PKD1: variants seen among roughly 807,000 people sequenced by gnomAD.
PKD1 encodes polycystin-1.
PKD1 carries 81 observed loss-of-function variants against 361.7 expected under a neutral mutation model. That is an observed-to-expected ratio of 0.22 (90% CI 0.19 to 0.27). The LOEUF is 0.27. Among genes scored for constraint, PKD1 ranks in the 10% least tolerant of loss-of-function variants. PKD1 has a pLI of 1.00. For synonymous variants in PKD1, 3,615 were observed against 2,818.3 expected, an observed-to-expected ratio of 1.28 and a Z score of -8.95; for missense variants, 6,399 against 6,118.3, an observed-to-expected ratio of 1.05 and a Z score of -1.53.
At position 2,088,865 on chromosome 16, in the gene PKD1, T is replaced by C; in HGVS notation, c.*862A>G. On this transcript the variant is annotated 3_prime_UTR_variant, in exon 46 of 46. Coordinates refer to ENST00000262304, the MANE Select transcript of PKD1 (RefSeq NM_001009944.3). Reference sequence around the variant, plus strand: ...AGGCTGCCTGGGCCATACAGCACACTCGCGCGTGCGCGCGCGCACACACAC... The same window carrying C: ...AGGCTGCCTGGGCCATACAGCACACCCGCGCGTGCGCGCGCGCACACACAC... 1.9e-6 allele frequency: 1 copy of C among 526,582 alleles called. No homozygotes were observed. Among genetic ancestry groups the C allele is most frequent in the Non-Finnish European group, 3.3e-6 (1 of 300,666 alleles). 32.6% of individuals were successfully genotyped at this position (526,582 alleles called of 1,614,324 possible). A position where few individuals can be genotyped will look rare whatever the true frequency, so the allele number is the denominator to read the frequency against.
intron 32 of PKD1, 85 bp downstream of exon 32, chr16:2,097,643 C>T (rs1200131878): frequency 6.2e-7 from 1 of 1,610,514 alleles, no homozygotes; most frequent in African/African-American, 1.3e-5. Flanking sequence ...CACAGACACC[C>T]AGCAAGGACA....
In PKD1 at chr16:2,111,315, G is replaced by A. The variant is rs2092498200; in HGVS notation, c.3852C>T (p.Ala1284=). The A allele has an allele frequency of 1.2e-6, 2 of 1,608,802 alleles. No homozygotes were observed. ...CGAAGACCAGCACGTGCAGGCTCCG[G>A]GCCAGGTGGCCGGCGGGGCTGGCCG... ...VGAASPAGHL[A]RSLHVLVFVL... Residue 1284 remains alanine, a synonymous_variant, in exon 15 of 46, where the codon GCC becomes GCT. Transcript: ENST00000262304.
chr16:2,093,979 C>G lies in PKD1; in HGVS notation c.10653G>C (p.Pro3551=). The G allele has an allele frequency of 1.3e-6, 2 of 1,586,686 alleles. No homozygotes were observed. The highest frequency in any genetic ancestry group is 1.7e-6 in the Non-Finnish European group (2 of 1,169,434). ...LVEGLRKRLL[P]AWCASLAHGL... Reference sequence around the variant, plus strand: ...CGTGGGCCAGGGAGGCACACCAGGCCGGCAGCAGGCGCTTCCGCAGACCCT... The same window carrying G: ...CGTGGGCCAGGGAGGCACACCAGGCGGGCAGCAGGCGCTTCCGCAGACCCT... Residue 3551 remains proline, a synonymous_variant, in exon 36 of 46, where the codon CCG becomes CCC. Coordinates refer to ENST00000262304, the MANE Select transcript of PKD1 (RefSeq NM_001009944.3).
chr16:2,127,513 G>C (rs2092814246), intron 1 of PKD1, among the ~76,000 whole-genome samples: 1 of 152,184 alleles, frequency 6.6e-6, no homozygotes, highest in African/African-American at 2.4e-5. Flanking sequence ...TCTAAGCACA[G>C]GCACAGTGTC....
rs770952448 is a variant in PKD1, at chr16:2,114,352, C to T, written c.2671G>A (p.Asp891Asn). ...AGTGCTACCACTGAGAACAGGGTAT[C>T]GTTGGTCTCCCAGGGGCAGCCGGGC... ...FVPGCPWETNDTLFSVVALPW... is the reference protein window; with the variant it reads ...FVPGCPWETNNTLFSVVALPW... Residue 891 changes from aspartate to asparagine, a missense_variant, in exon 11 of 46, where the codon GAT becomes AAT. Asp to Asn is a conservative substitution (Grantham distance 23). Coordinates refer to ENST00000262304, the MANE Select transcript of PKD1 (RefSeq NM_001009944.3). 10 of 1,610,396 alleles carry T rather than the reference C, an allele frequency of 6.2e-6. No homozygotes were observed. Among genetic ancestry groups the T allele is most frequent in the African/African-American group, 2.7e-5 (2 of 74,978 alleles).
rs561066327 is a variant in PKD1 at position 2,118,580 on chromosome 16, C to T, written c.529+96G>A. 5 of 772,758 alleles carry T rather than the reference C, an allele frequency of 6.5e-6. No homozygotes were observed. In the South Asian group the frequency reaches 7.4e-5, roughly 11 times the overall value. The allele number at this position is 772,758 out of a possible 1,614,324, so 47.9% of individuals were successfully genotyped here. On this transcript the variant is annotated intron_variant, in intron 4 of 45. Coordinates refer to ENST00000262304, the MANE Select transcript of PKD1 (RefSeq NM_001009944.3). The surrounding 1 kb of genome is among the most constrained non-coding windows in gnomAD (Gnocchi z 6.0). The stretch of plus-strand genomic sequence containing the variant: ...CTGTTCCCTTGGCCCGGAGGCCCCC[C>T]CCAGAGAGGCCTTCCTGAGCCCTGC...
At chr16:2,093,483 G>A in intron 37 of PKD1, 61 bp downstream of exon 37, 1 of 1,455,752 alleles carries the variant, frequency 6.9e-7, no homozygotes, top group Non-Finnish European at 9.4e-7. Context: ...CTGCGTGCAT[G>A]GGTGGGAGGT....
chr16:2,104,312 T>G (rs1596530462), intron 22 of PKD1, among the ~76,000 whole-genome samples, 186 bp downstream of exon 22: 1 of 51,200 alleles, frequency 2.0e-5, no homozygotes, highest in Non-Finnish European at 3.6e-5. Flanking sequence ...AGAAAAGGGA[T>G]GGTAATAGGG....
At chr16:2,123,852 G>C (rs1005453656) in intron 1 of PKD1, among the ~76,000 whole-genome samples, 1 of 152,200 alleles carries the variant, frequency 6.6e-6, no homozygotes, top group Non-Finnish European at 1.5e-5. Flanking sequence ...ATGGGTGCCC[G>C]AGGGCCAGGA....
rs1014293999 is a variant in PKD1, at chr16:2,091,130, G to C, written c.11757C>G (p.Ala3919=). 36 of 1,483,960 alleles carry C rather than the reference G, an allele frequency of 2.4e-5. No homozygotes were observed. Among genetic ancestry groups the C allele is most frequent in the Non-Finnish European group, 3.2e-5 (36 of 1,124,568 alleles). 91.9% of individuals were successfully genotyped at this position (1,483,960 alleles called of 1,614,324 possible). The change falls in exon 43 of 46, where the codon GCC becomes GCG. Residue 3919 remains alanine (A), a synonymous_variant. Coordinates refer to ENST00000262304, the MANE Select transcript of PKD1 (RefSeq NM_001009944.3). The part of the protein sequence containing the change: ...LFAVHFAVAE[A]RTWHREGRWR... ...AGCGCCCTTCCCTGTGCCAAGTACG[G>C]GCCTCGGCCACGGCGAAGTGCACGG...
intron 1 of PKD1, among the ~76,000 whole-genome samples, chr16:2,121,643 C>T (rs1443787121): frequency 1.3e-5 from 2 of 152,086 alleles, no homozygotes; most frequent in African/African-American, 2.4e-5. Flanking sequence ...TGGGGCAAAC[C>T]GAGAACTCCA....
rs767210914 is a variant in PKD1, at chr16:2,109,986, C to A, written c.5181G>T (p.Pro1727=). The change falls in exon 15 of 46, where the codon CCG becomes CCT. Residue 1727 remains proline, a synonymous_variant. Coordinates refer to ENST00000262304, the MANE Select transcript of PKD1 (RefSeq NM_001009944.3). ...CGCTTGTGTTGACGGCAGCTGGGTT[C>A]GGGGAGGCGGCCACCATCAGCCACC... ...PVGWLMVAAS[P]NPAAVNTSVT... 4 of 1,609,880 alleles carry A rather than the reference C, an allele frequency of 2.5e-6. No individual in the cohort carries two copies. Among genetic ancestry groups the A allele is most frequent in the Non-Finnish European group, 2.5e-6 (3 of 1,179,418 alleles).
rs202110519 is a variant in PKD1 at position 2,110,370 on chromosome 16, G to A, written c.4797C>T (p.Tyr1599=). ...TPIPGGPTIS[Y]TFRSVGTFNI... ...TGAAGGTGCCCACGGAGCGGAAGGTGTAAGAGATGGTAGGACCCCCAGGGA... is the reference window on the plus strand; with the variant it reads ...TGAAGGTGCCCACGGAGCGGAAGGTATAAGAGATGGTAGGACCCCCAGGGA... The change falls in exon 15 of 46, where the codon TAC becomes TAT. Residue 1599 remains tyrosine (Y), a synonymous_variant. Transcript: ENST00000262304. 14 of 1,612,486 alleles carry A rather than the reference G, an allele frequency of 8.7e-6. No homozygotes were observed. The East Asian group carries it at 8.9e-5, about 10-fold the overall frequency.
rs759616587 is a variant in PKD1, at chr16:2,108,268, C to T, written c.6899G>A (p.Cys2300Tyr). 1.3e-5 allele frequency: 21 copies of T among 1,600,710 alleles called. No homozygotes were observed. In the East Asian group the frequency reaches 3.1e-4, roughly 24 times the overall value. Residue 2300 changes from cysteine to tyrosine, a missense_variant, in exon 15 of 46, where the codon TGT becomes TAT. Transcript: ENST00000262304. ...CGCACTGACCTGTGTCGAAGCCACA[C>T]AGGCCCAGTGGAAACTGAGCGGCGT... is the stretch of plus-strand genomic sequence containing the variant. Reference protein sequence around the residue: ...DQTPLSFHWACVASTQREAGG... With the variant: ...DQTPLSFHWAYVASTQREAGG...
At chr16:2,095,244 C>T (rs2091797047) in intron 34 of PKD1, 1 of 152,208 alleles carries the variant, frequency 6.6e-6, no homozygotes, top group South Asian at 2.1e-4. Flanking sequence ...CTCCTCTCTA[C>T]TAAAACACAC....
intron 22 of PKD1, 40 bp downstream of exon 22, chr16:2,104,458 C>CA: frequency 6.8e-7 from 1 of 1,463,650 alleles, no homozygotes; most frequent in Non-Finnish European, 9.1e-7. Context: ...GAAAGGGCCG[C>CA]ACGGGGCGGG....
rs2092435972 is a variant in PKD1, at chr16:2,109,106, G to A, written c.6061C>T (p.Leu2021=). 4 of 1,603,218 alleles carry A rather than the reference G, an allele frequency of 2.5e-6. No individual in the cohort carries two copies. The highest frequency in any genetic ancestry group is 2.7e-5 in the African/African-American group (2 of 74,770). Reference sequence around the variant, plus strand: ...GTGTAGGTGACGTCGCGGCCCGACAGGATGACCAGCGAGTCGCCCTGGACC... The same window carrying A: ...GTGTAGGTGACGTCGCGGCCCGACAAGATGACCAGCGAGTCGCCCTGGACC... ...QKVQGDSLVI[L]SGRDVTYTPV... Residue 2021 remains leucine, a synonymous_variant, in exon 15 of 46, where the codon CTG becomes TTG. Coordinates refer to ENST00000262304, the MANE Select transcript of PKD1 (RefSeq NM_001009944.3).
In PKD1 at chr16:2,088,874, C is replaced by T. The variant is rs987659018; in HGVS notation, c.*853G>A. ...GGGCCATACAGCACACTCGCGCGTG[C>T]GCGCGCGCACACACACACACACACA... is the stretch of plus-strand genomic sequence containing the variant. On this transcript the variant is annotated 3_prime_UTR_variant, in exon 46 of 46. Coordinates refer to ENST00000262304, the MANE Select transcript of PKD1 (RefSeq NM_001009944.3). 51 of 473,706 alleles carry T rather than the reference C, an allele frequency of 1.1e-4. No individual in the cohort carries two copies. The highest frequency in any genetic ancestry group is 1.2e-3 in the Middle Eastern group (2 of 1,734). 29.3% of individuals were successfully genotyped at this position (473,706 alleles called of 1,614,324 possible).
chr16:2,106,335 G>T lies in PKD1; in HGVS notation c.7490-31C>A, dbSNP rs528858096. ...GGACGGTCCCCACGGCATCACGGGA[G>T]GGCTCCGTGACGTCACAGAGTCGGG... On this transcript the variant is annotated intron_variant, in intron 18 of 45. Coordinates refer to ENST00000262304, the MANE Select transcript of PKD1 (RefSeq NM_001009944.3). This position sits in a 1 kb window ranked among gnomAD's most constrained non-coding sequence, Gnocchi z 6.5. 1.3e-4 allele frequency: 216 copies of T among 1,601,956 alleles called. No homozygotes were observed. The African/African-American group carries it at 2.7e-3, about 20-fold the overall frequency.
Sources: allele counts gnomAD v4.1 joint callset (sites outside exome capture counted in the v4.1 genomes callset), GRCh38; gene constraint gnomAD v4.1.1; non-coding constraint Gnocchi (gnomAD v3.1); transcripts MANE v1.5; gene names NCBI Gene and HGNC (gene_info 2026-07-23, HGNC 2026-07-21).